The following RUNX1 variants were observed in gnomAD, a reference collection of about 807,000 sequenced individuals.
The protein encoded by RUNX1 is runt-related transcription factor 1.
Under a neutral mutation model 42.8 loss-of-function variants are expected in RUNX1, and 19 were observed. The ratio of observed to expected loss-of-function variants is 0.44; its 90% CI spans 0.31 to 0.65. RUNX1 has a LOEUF of 0.65. RUNX1 is among the 30% of genes least tolerant of loss of function. RUNX1 has a pLI of 0.07. For synonymous variants in RUNX1, 271 were observed against 289.4 expected (o/e 0.94, Z 0.64); for missense variants, 528 against 672.0 (o/e 0.79, Z 2.37).
intron 8 of RUNX1, among the ~76,000 whole-genome samples, chr21:34,798,353 CTG>C (rs1420107502): frequency 6.6e-6 from 1 of 152,218 alleles, no homozygotes; most frequent in Non-Finnish European, 1.5e-5. Context: ...GAATTTTTCT[CTG>C]TAACTCTGAT....
At chr21:34,962,347 A>C (rs769280879) in intron 2 of RUNX1, among the ~76,000 whole-genome samples, 4 of 152,240 alleles carry the variant, frequency 2.6e-5, no homozygotes, top group Non-Finnish European at 2.9e-5. Flanking sequence ...TCCACAACTA[A>C]GAGTTTGTTT....
chr21:35,011,234 G>A (rs554796965), intron 2 of RUNX1, among the ~76,000 whole-genome samples: 2 of 152,286 alleles, frequency 1.3e-5, no homozygotes, highest in Admixed American at 1.3e-4. Flanking sequence ...CAGGGAAAGG[G>A]TTAAGTAGTT....
chr21:34,880,928 GC>G (rs1327347499), intron 4 of RUNX1, among the ~76,000 whole-genome samples: 1 of 152,146 alleles, frequency 6.6e-6, no homozygotes, highest in African/African-American at 2.4e-5. Flanking sequence ...AAAAGTAATT[GC>G]AGTGTTTGCA....
At chr21:34,894,689 T>C (rs62211817) in intron 2 of RUNX1, among the ~76,000 whole-genome samples, 30,660 of 151,936 alleles carry the variant, frequency 0.2, 3,235 homozygotes, top group African/African-American at 0.22. Context: ...TCTCTCTCTG[T>C]CTCTCTCTTC....
At chr21:34,981,238 C>A (rs756295165) in intron 2 of RUNX1, among the ~76,000 whole-genome samples, 1 of 152,174 alleles carries the variant, frequency 6.6e-6, no homozygotes, top group African/African-American at 2.4e-5. Flanking sequence ...AAAATAGATG[C>A]TTCCCTTTGG....
chr21:34,934,392 A>G (rs930567408), intron 2 of RUNX1, among the ~76,000 whole-genome samples: 1 of 152,002 alleles, frequency 6.6e-6, no homozygotes, highest in African/African-American at 2.4e-5. Flanking sequence ...ATTTATTGAA[A>G]CCATGTTTGC....
At chr21:34,815,984 T>C (rs1426935881) in intron 7 of RUNX1, among the ~76,000 whole-genome samples, 1 of 151,978 alleles carries the variant, frequency 6.6e-6, no homozygotes, top group African/African-American at 2.4e-5. Context: ...AGGCTCCTCC[T>C]CATCACAAAC....
intron 3 of RUNX1, among the ~76,000 whole-genome samples, chr21:34,888,977 C>T (rs981599070): frequency 1.3e-5 from 2 of 151,512 alleles, no homozygotes; most frequent in Non-Finnish European, 3.0e-5. Flanking sequence ...GGACCCCTTT[C>T]CGCAGCCACA....
chr21:35,036,987 A>G (rs1882732), intron 2 of RUNX1, among the ~76,000 whole-genome samples: 19,389 of 152,130 alleles, frequency 0.13, 1,306 homozygotes, highest in Middle Eastern at 0.19. Context: ...TCTTCTGTAC[A>G]TGTGTTCCAT....
chr21:34,813,521 AG>A (rs1221656658), intron 7 of RUNX1, among the ~76,000 whole-genome samples: 1 of 152,022 alleles, frequency 6.6e-6, no homozygotes, highest in African/African-American at 2.4e-5. Context: ...TGATGCACCC[AG>A]GGGGAAACTC....
At chr21:34,805,526 T>C (rs73362031) in intron 7 of RUNX1, among the ~76,000 whole-genome samples, 11,875 of 152,280 alleles carry the variant, frequency 0.078, 1,223 homozygotes, top group African/African-American at 0.24. Context: ...AGAATTACAT[T>C]ATCTTTCTCT....
At chr21:34,964,762 C>T (rs6517268) in intron 2 of RUNX1, among the ~76,000 whole-genome samples, 5,585 of 152,206 alleles carry the variant, frequency 0.037, 335 homozygotes, top group African/African-American at 0.13. Flanking sequence ...TGAATTATGT[C>T]CTCTGGGCCT....
intron 4 of RUNX1, among the ~76,000 whole-genome samples, chr21:34,886,475 C>A (rs192370753): frequency 1.8e-4 from 27 of 152,324 alleles, no homozygotes; most frequent in African/African-American, 6.5e-4. Flanking sequence ...GTTAATCCAG[C>A]GGTAGGGGCA....
intron 7 of RUNX1, among the ~76,000 whole-genome samples, chr21:34,813,538 CCATGTAAGGTTTAAG>C (rs2056785244): frequency 1.3e-5 from 2 of 151,996 alleles, no homozygotes; most frequent in African/African-American, 4.8e-5. Flanking sequence ...AACTCCATCC[CCATGTAAGGTTTAAG>C]GCGACTGCTC....
rs1000137383 is a variant in RUNX1, at chr21:34,914,877, T to C, written c.59-21914A>G. On this transcript the variant is annotated intron_variant, in intron 2 of 8. Transcript: ENST00000675419. ...GATTTGGAACTCAAGAGGGCTGCCA[T>C]TCATTGCATGTCCTTCAATCTGAGT... Among the ~76,000 whole-genome samples the C allele has an allele frequency of 1.1e-4, 17 of 152,340 alleles. No individual in the cohort carries two copies. In the East Asian group the frequency reaches 2.9e-3, roughly 26 times the overall value.
intron 2 of RUNX1, among the ~76,000 whole-genome samples, chr21:34,933,237 G>C (rs762569981): frequency 1.3e-4 from 20 of 152,190 alleles, no homozygotes; most frequent in Non-Finnish European, 2.8e-4. Flanking sequence ...AACCTTCAGT[G>C]CCCTTCTGCA....
chr21:35,030,342 CA>C (rs201638831), intron 2 of RUNX1, among the ~76,000 whole-genome samples: 2 of 138,410 alleles, frequency 1.4e-5, no homozygotes, highest in Admixed American at 1.5e-4. Flanking sequence ...GACTCTGTCT[CA>C]AAAAAAAATA....
intron 2 of RUNX1, among the ~76,000 whole-genome samples, chr21:34,971,385 T>C (rs2058762364): frequency 6.6e-6 from 1 of 152,214 alleles, no homozygotes; most frequent in South Asian, 2.1e-4. Flanking sequence ...ATTTTGTTAA[T>C]ATTAATTCTT....
chr21:34,871,247 G>A (rs950930322), intron 5 of RUNX1, among the ~76,000 whole-genome samples: 15 of 152,142 alleles, frequency 9.9e-5, no homozygotes, highest in Admixed American at 2.0e-4. Flanking sequence ...ACAGCAACTC[G>A]TGAGCTCTGT....
Sources: gnomAD v4.1 joint callset for allele counts (sites outside exome capture counted in the v4.1 genomes callset) on GRCh38, gnomAD v4.1.1 for gene constraint, MANE v1.5 for transcripts, NCBI Gene and HGNC (gene_info 2026-07-23, HGNC 2026-07-21) for gene names.